FLNC: variants seen among roughly 807,000 people sequenced by gnomAD.
The protein encoded by FLNC is filamin-C.
Under a neutral mutation model 254.3 loss-of-function variants are expected in FLNC, and 91 were observed. The ratio of observed to expected loss-of-function variants is 0.36; its 90% CI spans 0.30 to 0.43. The LOEUF (loss-of-function observed/expected upper bound fraction) is 0.43, where lower values mean the gene tolerates loss of function less well. FLNC is among the 20% of genes least tolerant of loss of function. The probability of loss-of-function intolerance (pLI) is 1.00; values close to 1 mark genes in which losing one functional copy is unlikely to be tolerated. For missense variants in FLNC, 2,853 were observed against 3,802.6 expected (o/e 0.75, Z 6.57); for synonymous variants, 1,430 against 1,577.2 (o/e 0.91, Z 2.21).
chr7:128,855,154 C>T (rs1349045884), intron 42 of FLNC, 45 bp from the exon 43 acceptor site: 1 of 1,405,032 alleles, frequency 7.1e-7, no homozygotes, highest in Non-Finnish European at 1.0e-6. Flanking sequence ...TCCCGCCCTG[C>T]CAACCTCCAT....
Position 128,839,864 on chromosome 7 carries a change from G to A in FLNC, c.1412-159G>A, listed in dbSNP as rs79279743. On this transcript the variant is annotated intron_variant, in intron 8 of 47. Transcript: ENST00000325888. The stretch of plus-strand genomic sequence containing the variant: ...TGGGGCCTGTAGCCAGCTCCAGCCC[G>A]GCAGCCCCGGTTGTGCTGGGGACAC... Among the ~76,000 whole-genome samples, 9,196 of 152,260 alleles carry A rather than the reference G, an allele frequency of 0.06. 489 individuals are homozygous for A. The highest frequency in any genetic ancestry group is 0.14 in the African/African-American group (5,767 of 41,528).
chr7:128,840,767 G>A (rs1018241399), intron 10 of FLNC, 67 bp from the exon 11 acceptor site: 7 of 1,504,770 alleles, frequency 4.7e-6, no homozygotes, highest in Non-Finnish European at 6.4e-6. Flanking sequence ...AGGGGAGATG[G>A]AGTTTGGGCT....
chr7:128,849,166 CT>C lies in FLNC; in HGVS notation c.4928-13del. On this transcript the variant is annotated splice_polypyrimidine_tract_variant and intron_variant, in intron 28 of 47. Transcript: ENST00000325888. ...GTTGAGCACCGCCTGGCCTCACACT[CT>C]TCTCTCTTTCCAGTGTCCATTGGAG... The C allele has an allele frequency of 6.2e-7, 1 of 1,613,096 alleles. No individual in the cohort carries two copies. The highest frequency in any genetic ancestry group is 8.5e-7 in the Non-Finnish European group (1 of 1,179,884).
Position 128,846,461 on chromosome 7 carries a change from C to T in FLNC, c.4125C>T (p.Thr1375=), listed in dbSNP as rs191931963. The part of the protein sequence containing the change: ...VNKANRFTVE[T]RGAGTGGLGL... ...AGGCCAACCGATTCACTGTGGAGAC[C>T]AGGTATCCTCCCCCTTTGCTAGCCT... The change falls in exon 23 of 48, where the codon ACC becomes ACT. Residue 1375 remains threonine (T), a splice_region_variant and synonymous_variant. Transcript: ENST00000325888. The T allele has an allele frequency of 3.7e-5, 60 of 1,601,288 alleles. No individual in the cohort carries two copies. In the East Asian group the frequency reaches 1.1e-3, roughly 30 times the overall value.
At chr7:128,846,601 A>G in intron 23 of FLNC, 138 bp downstream of exon 23, 1 of 1,366,802 alleles carries the variant, frequency 7.3e-7, no homozygotes, top group Non-Finnish European at 1.0e-6. Context: ...CCCCTCCAGG[A>G]CCCCAGATTG....
At position 128,837,156 on chromosome 7, in the gene FLNC, C is replaced by T. The variant is rs1585152482; in HGVS notation, c.602-4C>T. 1.3e-6 allele frequency: 2 copies of T among 1,592,192 alleles called. No individual in the cohort carries two copies. The highest frequency in any genetic ancestry group is 1.7e-6 in the Non-Finnish European group (2 of 1,168,980). On this transcript the variant is annotated splice_polypyrimidine_tract_variant and splice_region_variant and intron_variant, in intron 2 of 47. Coordinates refer to ENST00000325888, the MANE Select transcript of FLNC (RefSeq NM_001458.5). ...ACCATCGTCTCCCTCCATCACCTCT[C>T]CAGGTCTCTGCCCCGACTGGGAGGC...
At chr7:128,855,008 A>G in intron 42 of FLNC, 96 bp downstream of exon 42, 1 of 1,386,206 alleles carries the variant, frequency 7.2e-7, no homozygotes, top group Non-Finnish European at 1.0e-6. Flanking sequence ...GGGCCACAGA[A>G]CTCCCCTCCC....
At chr7:128,845,955 C>G (rs772474592) in intron 21 of FLNC, 35 bp from the exon 22 acceptor site, 4 of 1,608,586 alleles carry the variant, frequency 2.5e-6, no homozygotes, top group East Asian at 4.5e-5. Context: ...AAGGCTGCCC[C>G]CACCCCTGCT....
rs1808456833 is a variant in FLNC at position 128,844,157 on chromosome 7, A to G, written c.3083A>G (p.Tyr1028Cys). ...GGGAEAQAVRYMPPEEGPYKV... is the reference protein window; with the variant it reads ...GGGAEAQAVRCMPPEEGPYKV... ...GGAGCGGAAGCCCAGGCTGTGCGCT[A>G]CATGCCCCCGGAGGAGGGGCCCTAC... Residue 1028 changes from tyrosine (Y) to cysteine (C), a missense_variant, in exon 20 of 48, where the codon TAC (tyrosine) becomes TGC (cysteine). Physicochemically the swap from Tyr to Cys is radical, Grantham distance 194. This residue lies in a region of FLNC where 1,573 missense variants were observed against 1,883.5 expected (regional missense o/e 0.84). Coordinates refer to ENST00000325888, the MANE Select transcript of FLNC (RefSeq NM_001458.5). 3 of 1,613,828 alleles carry G rather than the reference A, an allele frequency of 1.9e-6. No individual in the cohort carries two copies. Among genetic ancestry groups the G allele is most frequent in the South Asian group, 2.2e-5 (2 of 91,080 alleles).
At position 128,830,661 on chromosome 7, in the gene FLNC, A is replaced by T; in HGVS notation, c.24A>T (p.Ser8=). The part of the protein sequence containing the change: MMNNSGY[S]DAGLGLGDET... ...GCATGATGAACAACAGCGGCTACTC[A>T]GACGCCGGCCTCGGCCTGGGCGATG... Residue 8 remains serine, a synonymous_variant, in exon 1 of 48, where the codon TCA becomes TCT. Transcript: ENST00000325888. 1 of 1,612,438 alleles carries T rather than the reference A, an allele frequency of 6.2e-7. No homozygotes were observed. Among genetic ancestry groups the T allele is most frequent in the Non-Finnish European group, 8.5e-7 (1 of 1,179,878 alleles).
intron 8 of FLNC, among the ~76,000 whole-genome samples, 160 bp downstream of exon 8, chr7:128,838,963 G>A (rs1562992977): frequency 6.6e-6 from 1 of 152,168 alleles, no homozygotes; most frequent in Non-Finnish European, 1.5e-5. Flanking sequence ...CAGCTGGGAG[G>A]CCACAGTGAA....
intron 28 of FLNC, 91 bp downstream of exon 28, chr7:128,849,073 G>A: frequency 6.3e-7 from 1 of 1,591,960 alleles, no homozygotes; most frequent in Non-Finnish European, 8.6e-7. Flanking sequence ...GGGTCTGCTG[G>A]TCGGAGAGCA....
chr7:128,843,340 T>C, intron 17 of FLNC, 21 bp downstream of exon 17: 1 of 1,612,888 alleles, frequency 6.2e-7, no homozygotes. Context: ...GGGCAGGGGC[T>C]GGGACTGGCT....
chr7:128,837,082 G>A, intron 2 of FLNC, 78 bp from the exon 3 acceptor site: 1 of 968,092 alleles, frequency 1.0e-6, no homozygotes, highest in Admixed American at 2.0e-5. Context: ...AGCCTCTGAG[G>A]GTGTTGGGTG....
At chr7:128,849,116 A>ACCCCCCCCCCAAT in intron 28 of FLNC, 65 bp from the exon 29 acceptor site, 2 of 1,489,052 alleles carry the variant, frequency 1.3e-6, no homozygotes, top group Non-Finnish European at 1.9e-6. Flanking sequence ...TCCCTCCCTC[A>ACCCCCCCCCCAAT]CCCCCGCCCA....
rs770509803 is a variant in FLNC, at chr7:128,850,494, G to A, written c.5398+11G>A. On this transcript the variant is annotated intron_variant, in intron 32 of 47. Coordinates refer to ENST00000325888, the MANE Select transcript of FLNC (RefSeq NM_001458.5). Reference sequence around the variant, plus strand: ...AAGGGGAGCTCACAGGTACTGCCCTGTGGCTCCCAGGCATGAGGGCTGAGG... The same window carrying A: ...AAGGGGAGCTCACAGGTACTGCCCTATGGCTCCCAGGCATGAGGGCTGAGG... 3 of 1,602,772 alleles carry A rather than the reference G, an allele frequency of 1.9e-6. No homozygotes were observed. The highest frequency in any genetic ancestry group is 2.6e-6 in the Non-Finnish European group (3 of 1,170,448).
rs1808632986 is a variant in FLNC, at chr7:128,847,981, A to T, written c.4493A>T (p.Asp1498Val). 1 of 1,611,992 alleles carries T rather than the reference A, an allele frequency of 6.2e-7. No homozygotes were observed. The highest frequency in any genetic ancestry group is 8.5e-7 in the Non-Finnish European group (1 of 1,179,110). ...CCTGTGGAGGTGCGGGACAATGGAG[A>T]TGGCACCCACACTGTCCACTACACC... ...AEPVEVRDNG[D>V]GTHTVHYTPA... The change falls in exon 26 of 48, where the codon GAT (aspartate) becomes GTT (valine). Residue 1498 changes from aspartate to valine, a missense_variant. By Grantham distance (152) the Asp-to-Val change is radical. Around this residue, in one of 10 missense-constraint regions of FLNC, gnomAD observed 1,573 missense variants for 1,883.5 expected, o/e 0.84. Coordinates refer to ENST00000325888, the MANE Select transcript of FLNC (RefSeq NM_001458.5).
At chr7:128,834,199 T>A (rs978223151) in intron 1 of FLNC, among the ~76,000 whole-genome samples, 3 of 152,182 alleles carry the variant, frequency 2.0e-5, no homozygotes, top group Non-Finnish European at 4.4e-5. Context: ...GCTGATAGAT[T>A]TCAGAACTTC....
chr7:128,843,997 C>T lies in FLNC; in HGVS notation c.2930-7C>T, dbSNP rs1324607570. ...TCTCCTCATGGTGTCACTTGCCCTCCACGCAGAGGTGGCTGTGGGACAGGA... is the reference window on the plus strand; with the variant it reads ...TCTCCTCATGGTGTCACTTGCCCTCTACGCAGAGGTGGCTGTGGGACAGGA... On this transcript the variant is annotated splice_polypyrimidine_tract_variant and splice_region_variant and intron_variant, in intron 19 of 47. Transcript: ENST00000325888. The T allele has an allele frequency of 1.2e-6, 2 of 1,614,158 alleles. No homozygotes were observed.
Sources: allele counts gnomAD v4.1 joint callset (sites outside exome capture counted in the v4.1 genomes callset), GRCh38; gene constraint gnomAD v4.1.1; regional missense constraint gnomAD v4.1.1; transcripts MANE v1.5; gene names NCBI Gene and HGNC (gene_info 2026-07-23, HGNC 2026-07-21).